PPP1R12B: variants seen among roughly 807,000 people sequenced by gnomAD.
PPP1R12B encodes the protein myosin phosphatase target subunit 2.
Under a neutral mutation model 126.1 loss-of-function variants are expected in PPP1R12B, and 76 were observed. That is an observed-to-expected ratio of 0.60 (90% CI 0.50 to 0.73). The LOEUF is 0.73. Ranked by LOEUF, PPP1R12B falls within the 30% of genes least tolerant of loss-of-function variation. PPP1R12B has a pLI of 0.00. For missense variants in PPP1R12B, 1,052 were observed against 1,205.1 expected, an observed-to-expected ratio of 0.87 and a Z score of 1.88; for synonymous variants, 356 against 434.7, an observed-to-expected ratio of 0.82 and a Z score of 2.25.
chr1:202,539,679 C>T (rs1046009789), intron 18 of PPP1R12B, among the ~76,000 whole-genome samples: 5 of 152,122 alleles, frequency 3.3e-5, no homozygotes, highest in African/African-American at 1.2e-4. Flanking sequence ...TATTTCTTCC[C>T]TCTGGATAAA....
At position 202,582,502 on chromosome 1, in the gene PPP1R12B, T is replaced by G. The variant is rs1689600771; in HGVS notation, c.*1942T>G. 1 of 152,598 alleles carries G rather than the reference T, an allele frequency of 6.6e-6. No individual in the cohort carries two copies. Among genetic ancestry groups the G allele is most frequent in the Admixed American group, 6.5e-5 (1 of 15,276 alleles). 9.5% of individuals were successfully genotyped at this position (152,598 alleles called of 1,614,324 possible). Reference sequence around the variant, plus strand: ...ATTCCCTTAATATATACTACCTCTGTCTGTTAATTCTTTCCTAACATGACA... The same window carrying G: ...ATTCCCTTAATATATACTACCTCTGGCTGTTAATTCTTTCCTAACATGACA... On this transcript the variant is annotated 3_prime_UTR_variant, in exon 24 of 24. Transcript: ENST00000608999.
chr1:202,400,584 A>G (rs1215386124), intron 1 of PPP1R12B, among the ~76,000 whole-genome samples: 2 of 152,222 alleles, frequency 1.3e-5, no homozygotes, highest in East Asian at 3.8e-4. Flanking sequence ...ATGTGTAAAT[A>G]TATGAGGGCA....
chr1:202,506,596 A>G (rs1680826355), intron 18 of PPP1R12B, among the ~76,000 whole-genome samples: 8 of 152,224 alleles, frequency 5.3e-5, no homozygotes, highest in Admixed American at 5.2e-4. Context: ...TTATCCAGCT[A>G]CTAAGGATAG....
intron 8 of PPP1R12B, among the ~76,000 whole-genome samples, chr1:202,433,015 T>C (rs1303825833): frequency 6.6e-6 from 1 of 152,190 alleles, no homozygotes; most frequent in Non-Finnish European, 1.5e-5. Context: ...AAAAGGAAGT[T>C]AGAGAACCAT....
chr1:202,353,181 A>G (rs1656353407), intron 1 of PPP1R12B, among the ~76,000 whole-genome samples: 2 of 152,212 alleles, frequency 1.3e-5, no homozygotes, highest in Non-Finnish European at 2.9e-5. Context: ...ATAAAATAGT[A>G]TATTTTGTGT....
chr1:202,456,545 G>A (rs1673661430), intron 13 of PPP1R12B, among the ~76,000 whole-genome samples: 1 of 152,202 alleles, frequency 6.6e-6, no homozygotes, highest in Non-Finnish European at 1.5e-5. Flanking sequence ...TGCCGTGTGT[G>A]TAGAACGCAT....
rs536297118 is a variant in PPP1R12B, at chr1:202,484,464, G to A, written c.1851-4069G>A. On this transcript the variant is annotated intron_variant, in intron 13 of 23. Transcript: ENST00000608999. ...CTTAGCTACTAATTGTAAGTGTCAC[G>A]GGTTTTGACCATTTTGACTTTAAAC... is the stretch of plus-strand genomic sequence containing the variant. Among the ~76,000 whole-genome samples, 7 of 152,180 alleles carry A rather than the reference G, an allele frequency of 4.6e-5. No homozygotes were observed. The East Asian group carries it at 5.8e-4, about 13-fold the overall frequency.
chr1:202,559,269 A>T (rs1687281997), intron 19 of PPP1R12B, among the ~76,000 whole-genome samples: 1 of 152,242 alleles, frequency 6.6e-6, no homozygotes, highest in African/African-American at 2.4e-5. Flanking sequence ...TTTCAACAGA[A>T]CATAGTAAGT....
chr1:202,420,641 G>A (rs1291070580), intron 2 of PPP1R12B, among the ~76,000 whole-genome samples: 1 of 152,160 alleles, frequency 6.6e-6, no homozygotes, highest in Non-Finnish European at 1.5e-5. Flanking sequence ...TTTGCTTAAG[G>A]GAGAGGAATC....
chr1:202,448,937 T>G, intron 12 of PPP1R12B, 52 bp from the exon 13 acceptor site: 1 of 1,561,322 alleles, frequency 6.4e-7, no homozygotes, highest in South Asian at 1.1e-5. Flanking sequence ...AGTGCTTTGT[T>G]GTATAGCATG....
At chr1:202,396,442 G>T (rs1159709182) in intron 1 of PPP1R12B, among the ~76,000 whole-genome samples, 3 of 152,038 alleles carry the variant, frequency 2.0e-5, no homozygotes, top group African/African-American at 7.3e-5. Flanking sequence ...AGTGTTTAAT[G>T]AATATTAATT....
At chr1:202,536,002 A>T (rs753612747) in intron 18 of PPP1R12B, among the ~76,000 whole-genome samples, 3 of 152,232 alleles carry the variant, frequency 2.0e-5, no homozygotes, top group Non-Finnish European at 4.4e-5. Flanking sequence ...TTGAATTGGT[A>T]GATCTTTTCA....
At chr1:202,493,419 A>G (rs1429068801) in intron 15 of PPP1R12B, 102 bp downstream of exon 15, 2 of 1,239,818 alleles carry the variant, frequency 1.6e-6, no homozygotes, top group Non-Finnish European at 2.2e-6. Context: ...CTACCTTGCA[A>G]TGGACAACTC....
At chr1:202,365,328 G>A (rs1659027521) in intron 1 of PPP1R12B, among the ~76,000 whole-genome samples, 1 of 151,878 alleles carries the variant, frequency 6.6e-6, no homozygotes, top group South Asian at 2.1e-4. Context: ...TGCAGTTGTG[G>A]CTACTCAGGA....
At chr1:202,510,545 A>G (rs778577679) in intron 18 of PPP1R12B, among the ~76,000 whole-genome samples, 1 of 152,190 alleles carries the variant, frequency 6.6e-6, no homozygotes, top group African/African-American at 2.4e-5. Flanking sequence ...ACTGTAGCAC[A>G]CTAAAGAAGC....
rs548404529 is a variant in PPP1R12B at position 202,439,510 on chromosome 1, C to T, written c.1459-1196C>T. The T allele has an allele frequency of 7.0e-5, 107 of 1,533,274 alleles. No individual in the cohort carries two copies. The Admixed American group carries it at 9.5e-4, about 14-fold the overall frequency. 95.0% of individuals were successfully genotyped at this position (1,533,274 alleles called of 1,614,324 possible). On this transcript the variant is annotated intron_variant, in intron 10 of 23. Coordinates refer to ENST00000608999, the MANE Select transcript of PPP1R12B (RefSeq NM_002481.4). Reference sequence around the variant, plus strand: ...AGCCCATGGAAGTGGCTGTTTGGGGCGACTGCTGTTGCCTTGGGGGGTGTG... The same window carrying T: ...AGCCCATGGAAGTGGCTGTTTGGGGTGACTGCTGTTGCCTTGGGGGGTGTG...
intron 1 of PPP1R12B, among the ~76,000 whole-genome samples, chr1:202,367,684 C>A (rs1346364923): frequency 6.6e-6 from 1 of 152,202 alleles, no homozygotes; most frequent in Non-Finnish European, 1.5e-5. Context: ...CTAAAAATTT[C>A]AGATGAACTT....
At chr1:202,501,102 C>A (rs76550982) in intron 18 of PPP1R12B, among the ~76,000 whole-genome samples, 6 of 152,158 alleles carry the variant, frequency 3.9e-5, no homozygotes, top group African/African-American at 1.4e-4. Flanking sequence ...TGTTTATCCA[C>A]GTTAGGTATA....
At chr1:202,439,193 T>C in intron 10 of PPP1R12B, 1 of 1,506,446 alleles carries the variant, frequency 6.6e-7, no homozygotes, top group Non-Finnish European at 9.2e-7. Flanking sequence ...GCTCGACCAC[T>C]ACTGCGCAGC....
Sources: gnomAD v4.1 joint callset for allele counts (sites outside exome capture counted in the v4.1 genomes callset) on GRCh38, gnomAD v4.1.1 for gene constraint, MANE v1.5 for transcripts, NCBI Gene and HGNC (gene_info 2026-07-23, HGNC 2026-07-21) for gene names.